SOX5: variants seen among roughly 807,000 people sequenced by gnomAD.
SOX5 encodes the protein SRY-box transcription factor 5, also known as transcription factor SOX-5.
In SOX5, 9 loss-of-function variants were observed where a neutral mutation model predicts 92.0. The ratio of observed to expected loss-of-function variants is 0.10; its 90% CI spans 0.06 to 0.17. The LOEUF is 0.17. Ranked by LOEUF, SOX5 falls within the 10% of genes least tolerant of loss-of-function variation. The pLI is 1.00. For synonymous variants in SOX5, 344 were observed against 336.3 expected (o/e 1.02, Z -0.25); for missense variants, 642 against 944.5 (o/e 0.68, Z 4.20).
chr12:23,558,679 C>A (rs538840874), intron 11 of SOX5, among the ~76,000 whole-genome samples: 2 of 152,170 alleles, frequency 1.3e-5, no homozygotes, highest in Non-Finnish European at 2.9e-5. Flanking sequence ...CCTGGCTCAC[C>A]GCAACCTCTG....
At chr12:23,793,780 G>A (rs1170624189) in intron 3 of SOX5, among the ~76,000 whole-genome samples, 1 of 152,210 alleles carries the variant, frequency 6.6e-6, no homozygotes, top group Admixed American at 6.6e-5. Context: ...CAATGGTGAA[G>A]TAAGAAAAGC....
At chr12:23,598,565 A>AT (rs1952883883) in intron 9 of SOX5, among the ~76,000 whole-genome samples, 1 of 151,010 alleles carries the variant, frequency 6.6e-6, no homozygotes, top group South Asian at 2.1e-4. Context: ...CGCCCGGCTA[A>AT]TTTTTTGTAT....
intron 8 of SOX5, among the ~76,000 whole-genome samples, chr12:23,610,206 C>T (rs1364469106): frequency 6.6e-6 from 1 of 152,144 alleles, no homozygotes; most frequent in African/African-American, 2.4e-5. Context: ...AGAAATTCTA[C>T]AATCAGCTTA....
intron 1 of SOX5, among the ~76,000 whole-genome samples, chr12:24,522,570 T>C (rs1221823123): frequency 6.6e-6 from 1 of 152,014 alleles, no homozygotes; most frequent in East Asian, 1.9e-4. Context: ...AAAAGAAACA[T>C]ATTCTATGAC....
chr12:24,560,105 T>A (rs575695627), intron 1 of SOX5, among the ~76,000 whole-genome samples: 2 of 152,266 alleles, frequency 1.3e-5, no homozygotes, highest in East Asian at 3.9e-4. Context: ...TGAATTTTTT[T>A]AAACCCACAG....
chr12:23,699,372 T>C (rs1163665888), intron 6 of SOX5, among the ~76,000 whole-genome samples: 3 of 152,192 alleles, frequency 2.0e-5, no homozygotes, highest in Non-Finnish European at 4.4e-5. Flanking sequence ...TGAGGCATGG[T>C]TAATCTGGTT....
chr12:24,204,060 A>G (rs1283551464), intron 4 of SOX5, among the ~76,000 whole-genome samples: 6 of 151,968 alleles, frequency 3.9e-5, no homozygotes, highest in Admixed American at 2.0e-4. Flanking sequence ...CATTCTCTCT[A>G]TCCCCTTCCC....
chr12:23,570,752 T>C (rs776224983), intron 10 of SOX5, among the ~76,000 whole-genome samples: 1 of 149,712 alleles, frequency 6.7e-6, no homozygotes, highest in Non-Finnish European at 1.5e-5. Flanking sequence ...CTAATAAAAA[T>C]TCAAAAAAAT....
At chr12:23,599,488 C>T (rs954326372) in intron 9 of SOX5, among the ~76,000 whole-genome samples, 14 of 152,208 alleles carry the variant, frequency 9.2e-5, no homozygotes, top group Admixed American at 2.0e-4. Flanking sequence ...ACCAGGGTCA[C>T]GGCAAGGTTA....
intron 2 of SOX5, among the ~76,000 whole-genome samples, chr12:23,861,604 G>A: frequency 6.6e-6 from 1 of 152,086 alleles, no homozygotes; most frequent in East Asian, 1.9e-4. Context: ...CCTTAAAAAT[G>A]CCGATTGATA....
chr12:23,770,333 A>G (rs1313980170), intron 3 of SOX5, among the ~76,000 whole-genome samples: 2 of 151,796 alleles, frequency 1.3e-5, no homozygotes, highest in Non-Finnish European at 2.9e-5. Flanking sequence ...CAAAAAGAAA[A>G]CCCTGAATTA....
rs192401704 is a variant in SOX5, at chr12:23,756,308, G to C, written c.482-584C>G. On this transcript the variant is annotated intron_variant, in intron 3 of 14. Coordinates refer to ENST00000451604, the MANE Select transcript of SOX5 (RefSeq NM_006940.6). ...TGGAAAATCTAGAGAAGTGAGGAAT[G>C]CTGCCTATAATGGAAACCTATTATT... 5.9e-5 allele frequency among the ~76,000 whole-genome samples: 9 copies of C among 151,866 alleles called. No homozygotes were observed. The South Asian group carries it at 1.5e-3, about 24-fold the overall frequency.
At chr12:24,548,204 A>G (rs1023696432) in intron 1 of SOX5, among the ~76,000 whole-genome samples, 3 of 152,262 alleles carry the variant, frequency 2.0e-5, no homozygotes, top group East Asian at 3.8e-4. Flanking sequence ...ATTGAGCTAC[A>G]GCATCGATGT....
chr12:24,225,633 T>C (rs78520478), intron 3 of SOX5, among the ~76,000 whole-genome samples: 2,654 of 152,276 alleles, frequency 0.017, 83 homozygotes, highest in African/African-American at 0.06. Flanking sequence ...CTGTACTTCA[T>C]TGTCATTGTT....
chr12:23,996,867 T>C (rs1951080509), intron 4 of SOX5, among the ~76,000 whole-genome samples: 1 of 152,196 alleles, frequency 6.6e-6, no homozygotes, highest in Non-Finnish European at 1.5e-5. Flanking sequence ...AATTTTCTTT[T>C]GAGGTGATGA....
At position 23,728,689 on chromosome 12, in the gene SOX5, T is replaced by C. The variant is rs370539857; in HGVS notation, c.810+5995A>G. 2.0e-5 allele frequency among the ~76,000 whole-genome samples: 3 copies of C among 152,142 alleles called. No individual in the cohort carries two copies. In the East Asian group the frequency reaches 5.8e-4, roughly 29 times the overall value. ...ACTGCAACTTAATCATTCAATTGTA[T>C]ATAAGTCAAGTTGTATTTTTACCGT... On this transcript the variant is annotated intron_variant, in intron 6 of 14. Coordinates refer to ENST00000451604, the MANE Select transcript of SOX5 (RefSeq NM_006940.6).
intron 9 of SOX5, among the ~76,000 whole-genome samples, chr12:23,595,322 T>G (rs1952195866): frequency 1.3e-5 from 2 of 151,842 alleles, no homozygotes; most frequent in South Asian, 4.1e-4. Flanking sequence ...TCTGAAGAAC[T>G]TCTTAAAAAA....
chr12:24,292,037 G>A (rs1946675617), intron 2 of SOX5, among the ~76,000 whole-genome samples: 1 of 152,208 alleles, frequency 6.6e-6, no homozygotes, highest in African/African-American at 2.4e-5. Flanking sequence ...CTCTGAGCAA[G>A]GCACTATGAC....
At chr12:24,214,662 T>A (rs370960927) in intron 3 of SOX5, among the ~76,000 whole-genome samples, 2 of 152,188 alleles carry the variant, frequency 1.3e-5, no homozygotes, top group East Asian at 3.9e-4. Context: ...TCCTATATTA[T>A]CAACCAGATT....
Sources: gnomAD v4.1 joint callset for allele counts (sites outside exome capture counted in the v4.1 genomes callset) on GRCh38, gnomAD v4.1.1 for gene constraint, MANE v1.5 for transcripts, NCBI Gene and HGNC (gene_info 2026-07-23, HGNC 2026-07-21) for gene names.